The following GLIS3 variants were observed in gnomAD, a reference collection of about 807,000 sequenced individuals.
The protein encoded by GLIS3 is GLIS family zinc finger 3.
A neutral mutation model predicts 78.6 loss-of-function variants in GLIS3; 53 were observed. That is an observed-to-expected ratio of 0.67 (90% CI 0.54 to 0.85). The LOEUF is 0.85. Among genes scored for constraint, GLIS3 ranks in the 40% least tolerant of loss-of-function variants. The pLI is 0.00. For missense variants in GLIS3, 1,703 were observed against 1,231.1 expected (o/e 1.38, Z -5.74); for synonymous variants, 684 against 509.9 (o/e 1.34, Z -4.60).
intron 6 of GLIS3, among the ~76,000 whole-genome samples, chr9:3,922,128 G>T (rs977083214): frequency 2.0e-5 from 3 of 152,178 alleles, no homozygotes; most frequent in Non-Finnish European, 1.5e-5. Context: ...CTATAGAATT[G>T]TTCATGATAG....
chr9:4,380,986 G>C, the GLIS3 span, among the ~76,000 whole-genome samples: 5 of 152,122 alleles, frequency 3.3e-5, no homozygotes, highest in African/African-American at 1.2e-4. Context: ...AATGTGGGAG[G>C]ACAGGCAGAA....
At chr9:3,993,058 G>A (rs1820457894) in intron 4 of GLIS3, among the ~76,000 whole-genome samples, 1 of 152,166 alleles carries the variant, frequency 6.6e-6, no homozygotes, top group African/African-American at 2.4e-5. Flanking sequence ...AGATGTTGGG[G>A]ATTTTCTGAG....
intron 2 of GLIS3, among the ~76,000 whole-genome samples, chr9:4,265,306 C>T (rs921394364): frequency 6.6e-6 from 1 of 152,058 alleles, no homozygotes; most frequent in African/African-American, 2.4e-5. Flanking sequence ...TAGCATTTCT[C>T]ATGTACCAGG....
At chr9:4,061,388 T>C (rs905615125) in intron 4 of GLIS3, among the ~76,000 whole-genome samples, 2 of 152,130 alleles carry the variant, frequency 1.3e-5, no homozygotes, top group Admixed American at 6.6e-5. Flanking sequence ...CTACAAAACA[T>C]GAACTCATCC....
At chr9:4,444,739 C>T in the GLIS3 span, among the ~76,000 whole-genome samples, 5 of 152,210 alleles carry the variant, frequency 3.3e-5, no homozygotes, top group African/African-American at 9.6e-5. Context: ...GCATGCCTTA[C>T]ACACATCCAC....
In GLIS3 at chr9:4,075,150, C is replaced by A. The variant is rs112670666; in HGVS notation, c.1710+42618G>T. Among the ~76,000 whole-genome samples the A allele has an allele frequency of 1.0e-4, 13 of 124,254 alleles. No homozygotes were observed. In the South Asian group the frequency reaches 2.6e-3, roughly 25 times the overall value. 81.5% of individuals were successfully genotyped at this position (124,254 alleles called of 152,430 possible). A position where few individuals can be genotyped will look rare whatever the true frequency, so the allele number is the denominator to read the frequency against. ...CTGGAGGAGATGAATACGTTCAGTG[C>A]ATTTACTGTGGCGATGGTACCACGA... On this transcript the variant is annotated intron_variant, in intron 4 of 10. Transcript: ENST00000381971.
the GLIS3 span, among the ~76,000 whole-genome samples, chr9:4,367,400 C>G: frequency 3.9e-5 from 6 of 152,150 alleles, no homozygotes; most frequent in Non-Finnish European, 7.3e-5. Context: ...AACACCATCA[C>G]CTTCCGGAGG....
At chr9:3,975,175 T>A (rs1818675459) in intron 4 of GLIS3, 1 of 152,176 alleles carries the variant, frequency 6.6e-6, no homozygotes, top group Non-Finnish European at 1.5e-5. Context: ...TCTAGCCCTA[T>A]GAAATCTTCT....
intron 2 of GLIS3, among the ~76,000 whole-genome samples, chr9:4,254,598 G>A (rs2129921693): frequency 6.6e-6 from 1 of 152,298 alleles, no homozygotes; most frequent in East Asian, 1.9e-4. Context: ...CCAGCACTTT[G>A]GGAGGCTGAG....
At chr9:3,865,345 A>G (rs141545346) in intron 8 of GLIS3, among the ~76,000 whole-genome samples, 4 of 152,338 alleles carry the variant, frequency 2.6e-5, no homozygotes, top group South Asian at 4.1e-4. Flanking sequence ...GGAAAAGACC[A>G]TGAAGATTTC....
chr9:4,393,381 C>G, the GLIS3 span, among the ~76,000 whole-genome samples: 1 of 152,080 alleles, frequency 6.6e-6, no homozygotes, highest in Non-Finnish European at 1.5e-5. Context: ...AAATGATATC[C>G]TCTTATATAA....
In GLIS3 at chr9:3,979,957, G is replaced by T. The variant is rs544492606; in HGVS notation, c.1711-42768C>A. Among the ~76,000 whole-genome samples the T allele has an allele frequency of 7.2e-5, 11 of 152,206 alleles. No individual in the cohort carries two copies. The East Asian group carries it at 9.7e-4, about 13-fold the overall frequency. ...GTCAACGTAAGGAACGGCAGATAAC[G>T]GTAAGTACCATGGAAGCAGGCAAAA... On this transcript the variant is annotated intron_variant, in intron 4 of 10. Transcript: ENST00000381971.
chr9:4,203,533 A>C (rs138937178), intron 2 of GLIS3, among the ~76,000 whole-genome samples: 1 of 152,372 alleles, frequency 6.6e-6, no homozygotes, highest in East Asian at 1.9e-4. Context: ...ATGAATCAAT[A>C]TTTAAAAAGA....
the GLIS3 span, among the ~76,000 whole-genome samples, chr9:4,380,135 C>T: frequency 6.6e-6 from 1 of 152,196 alleles, no homozygotes; most frequent in Non-Finnish European, 1.5e-5. Flanking sequence ...TAGAAGGCAT[C>T]TTGGCTGTAT....
chr9:4,211,310 C>T (rs771489978), intron 2 of GLIS3, among the ~76,000 whole-genome samples: 1 of 152,228 alleles, frequency 6.6e-6, no homozygotes, highest in Non-Finnish European at 1.5e-5. Flanking sequence ...ATAATTCTCA[C>T]TGGATGGCTG....
the GLIS3 span, among the ~76,000 whole-genome samples, chr9:4,410,705 G>C: frequency 2.0e-5 from 3 of 152,164 alleles, no homozygotes; most frequent in African/African-American, 4.8e-5. Flanking sequence ...ACGTTGTCAA[G>C]GATACTCAAC....
At chr9:4,000,635 G>T (rs1467261210) in intron 4 of GLIS3, among the ~76,000 whole-genome samples, 3 of 152,064 alleles carry the variant, frequency 2.0e-5, no homozygotes, top group Non-Finnish European at 4.4e-5. Context: ...GCTTCTAGTG[G>T]CCCCCTGCTG....
intron 4 of GLIS3, among the ~76,000 whole-genome samples, chr9:3,969,052 C>T (rs577544353): frequency 1.2e-4 from 18 of 152,130 alleles, no homozygotes; most frequent in Non-Finnish European, 1.8e-4. Flanking sequence ...ATGACTTGTC[C>T]GTGTTTGAGT....
chr9:4,121,438 T>C (rs558762572), intron 3 of GLIS3, among the ~76,000 whole-genome samples: 2 of 152,198 alleles, frequency 1.3e-5, no homozygotes, highest in African/African-American at 2.4e-5. Context: ...CAAAAAACTG[T>C]TGATTAGGAA....
Sources: allele counts gnomAD v4.1 joint callset (sites outside exome capture counted in the v4.1 genomes callset), GRCh38; gene constraint gnomAD v4.1.1; transcripts MANE v1.5; gene names NCBI Gene and HGNC (gene_info 2026-07-23, HGNC 2026-07-21).